AGTPBP1: variants seen among roughly 807,000 people sequenced by gnomAD.
The protein encoded by AGTPBP1 is cytosolic carboxypeptidase 1.
AGTPBP1 carries 70 observed loss-of-function variants against 143.9 expected under a neutral mutation model. The observed-to-expected ratio is 0.49, with a 90% confidence interval of 0.40 to 0.59. AGTPBP1 has a LOEUF of 0.59. AGTPBP1 is among the 20% of genes least tolerant of loss of function. The pLI, the probability that AGTPBP1 is intolerant of heterozygous loss-of-function variation, is 0.00. For synonymous variants in AGTPBP1, 463 were observed against 500.2 expected, an observed-to-expected ratio of 0.93 and a Z score of 0.99; for missense variants, 1,229 against 1,464.5, an observed-to-expected ratio of 0.84 and a Z score of 2.62.
At chr9:85,654,792 G>A (rs1288644523) in intron 11 of AGTPBP1, among the ~76,000 whole-genome samples, 3 of 151,402 alleles carry the variant, frequency 2.0e-5, no homozygotes, top group Admixed American at 6.6e-5. Context: ...GCAGTGAGCC[G>A]AGATTGCACC....
At chr9:85,758,315 T>C in the AGTPBP1 span, among the ~76,000 whole-genome samples, 2 of 152,126 alleles carry the variant, frequency 1.3e-5, no homozygotes, top group Non-Finnish European at 2.9e-5. Flanking sequence ...AACTACAAGT[T>C]ATGAAAAACA....
intron 2 of AGTPBP1, among the ~76,000 whole-genome samples, chr9:85,695,264 C>T (rs1836148388): frequency 6.6e-6 from 1 of 152,132 alleles, no homozygotes; most frequent in African/African-American, 2.4e-5. Flanking sequence ...TGCTACTTTC[C>T]TGTGAGAGCC....
intron 1 of AGTPBP1, among the ~76,000 whole-genome samples, chr9:85,723,853 C>A (rs1334055182): frequency 6.6e-6 from 1 of 152,102 alleles, no homozygotes; most frequent in Non-Finnish European, 1.5e-5. Context: ...CTAAAAGAAA[C>A]CCTAGAGAAA....
At chr9:85,610,902 G>A (rs1318497743) in intron 17 of AGTPBP1, among the ~76,000 whole-genome samples, 2 of 152,054 alleles carry the variant, frequency 1.3e-5, no homozygotes, top group African/African-American at 4.8e-5. Context: ...TTTGCTTTAT[G>A]TTGTACTGAC....
intron 25 of AGTPBP1, among the ~76,000 whole-genome samples, chr9:85,555,737 C>T (rs1015076165): frequency 1.3e-5 from 2 of 152,098 alleles, no homozygotes; most frequent in Non-Finnish European, 2.9e-5. Context: ...ACTGGAGATA[C>T]AGTCTTCAAA....
intron 2 of AGTPBP1, among the ~76,000 whole-genome samples, chr9:85,706,509 CAAAAA>C (rs781239393): frequency 3.2e-5 from 2 of 62,266 alleles, no homozygotes; most frequent in Non-Finnish European, 3.4e-5. Flanking sequence ...GACTCTGTCT[CAAAAA>C]AAAAAAAAAA....
At chr9:85,771,999 T>TC in the AGTPBP1 span, among the ~76,000 whole-genome samples, 1 of 147,502 alleles carries the variant, frequency 6.8e-6, no homozygotes, top group South Asian at 2.2e-4. Flanking sequence ...TTTTTTTTTT[T>TC]CCCTGAGATG....
intron 2 of AGTPBP1, among the ~76,000 whole-genome samples, chr9:85,701,648 G>A (rs920332544): frequency 1.1e-4 from 16 of 152,226 alleles, no homozygotes; most frequent in Middle Eastern, 3.4e-3. Flanking sequence ...GTAAAACACC[G>A]TAACAGAGAA....
At chr9:85,583,288 A>G (rs1245703382) in intron 23 of AGTPBP1, among the ~76,000 whole-genome samples, 1 of 152,218 alleles carries the variant, frequency 6.6e-6, no homozygotes, top group Non-Finnish European at 1.5e-5. Flanking sequence ...TATAACAGCA[A>G]TAGGAACTAA....
chr9:85,646,504 G>A (rs768267667), intron 11 of AGTPBP1, 86 bp from the exon 12 acceptor site: 37 of 908,388 alleles, frequency 4.1e-5, no homozygotes, highest in Non-Finnish European at 6.1e-5. Flanking sequence ...CTTATATAAA[G>A]TATTTCAATC....
chr9:85,786,338 A>C, the AGTPBP1 span: 6 of 1,613,590 alleles, frequency 3.7e-6, no homozygotes, highest in Non-Finnish European at 5.1e-6. Flanking sequence ...GGTAATGAGA[A>C]TAAAACAGAA....
chr9:85,685,196 A>AG (rs1423657392), intron 3 of AGTPBP1, among the ~76,000 whole-genome samples: 11 of 152,002 alleles, frequency 7.2e-5, no homozygotes, highest in African/African-American at 2.4e-4. Context: ...AAAATAAGGG[A>AG]GAAAAAAAAC....
In AGTPBP1 at chr9:85,707,938, A is replaced by G. The variant is rs527640439; in HGVS notation, c.32+4564T>C. On this transcript the variant is annotated intron_variant, in intron 2 of 25. Coordinates refer to ENST00000357081, the MANE Select transcript of AGTPBP1 (RefSeq NM_001330701.2). ...GGGGGTGGGGGGCTAGGGGAGGGATAGCATTAGGAGAAATACCTAATGTAG... is the reference window on the plus strand; with the variant it reads ...GGGGGTGGGGGGCTAGGGGAGGGATGGCATTAGGAGAAATACCTAATGTAG... 1.1e-3 allele frequency among the ~76,000 whole-genome samples: 163 copies of G among 152,238 alleles called. 1 individual carries two copies. The highest frequency in any genetic ancestry group is 3.6e-3 in the African/African-American group (151 of 41,548).
chr9:85,748,163 T>C, the AGTPBP1 span, among the ~76,000 whole-genome samples: 2 of 152,228 alleles, frequency 1.3e-5, no homozygotes, highest in African/African-American at 2.4e-5. Context: ...AGAAGTTCAC[T>C]AGTGCTCTCT....
chr9:85,613,942 A>G (rs1444268086), intron 17 of AGTPBP1, among the ~76,000 whole-genome samples: 1 of 152,130 alleles, frequency 6.6e-6, no homozygotes, highest in African/African-American at 2.4e-5. Context: ...GCTTAATAAC[A>G]TGAATATTAT....
At chr9:85,579,186 TA>T in intron 23 of AGTPBP1, 90 bp from the exon 24 acceptor site, 1 of 1,299,924 alleles carries the variant, frequency 7.7e-7, no homozygotes, top group Non-Finnish European at 1.0e-6. Context: ...GAAAACACAG[TA>T]ATTAGAGCAA....
chr9:85,660,336 GACTC>G (rs2133974011), intron 9 of AGTPBP1, among the ~76,000 whole-genome samples: 1 of 152,142 alleles, frequency 6.6e-6, no homozygotes, highest in East Asian at 1.9e-4. Context: ...AAAATAAAGA[GACTC>G]AGTATCTTGG....
the AGTPBP1 span, chr9:85,770,633 A>G: frequency 1.8e-6 from 1 of 566,910 alleles, no homozygotes; most frequent in South Asian, 2.4e-5. Flanking sequence ...ATTTCTCTTT[A>G]TAGAACTAAA....
chr9:85,674,722 A>G (rs959193647), intron 6 of AGTPBP1, among the ~76,000 whole-genome samples: 8 of 152,178 alleles, frequency 5.3e-5, no homozygotes, highest in Admixed American at 2.0e-4. Flanking sequence ...CCTTTCTTTA[A>G]AACAACACCT....
Sources: gnomAD v4.1 joint callset for allele counts (sites outside exome capture counted in the v4.1 genomes callset) on GRCh38, gnomAD v4.1.1 for gene constraint, MANE v1.5 for transcripts, NCBI Gene and HGNC (gene_info 2026-07-23, HGNC 2026-07-21) for gene names.